CNTN5: variants seen among roughly 807,000 people sequenced by gnomAD.
The protein encoded by CNTN5 is contactin-5.
CNTN5 carries 77 observed loss-of-function variants against 129.1 expected under a neutral mutation model. The observed-to-expected ratio is 0.60, with a 90% CI of 0.50 to 0.72. The LOEUF (loss-of-function observed/expected upper bound fraction) is 0.72, where lower values mean the gene tolerates loss of function less well. Ranked by LOEUF, CNTN5 falls within the 30% of genes least tolerant of loss-of-function variation. CNTN5 has a pLI of 0.00. For missense variants in CNTN5, 1,478 were observed against 1,328.8 expected, an observed-to-expected ratio of 1.11 and a Z score of -1.75; for synonymous variants, 509 against 465.6, an observed-to-expected ratio of 1.09 and a Z score of -1.20.
At chr11:100,092,947 G>T (rs11222728) in intron 13 of CNTN5, among the ~76,000 whole-genome samples, 31,760 of 151,908 alleles carry the variant, frequency 0.21, 4,267 homozygotes, top group African/African-American at 0.39. Context: ...TCTGAGTTTC[G>T]CAGATCCCTA....
intron 2 of CNTN5, among the ~76,000 whole-genome samples, chr11:99,427,081 T>A (rs1249942546): frequency 1.3e-5 from 2 of 152,212 alleles, no homozygotes; most frequent in African/African-American, 4.8e-5. Context: ...AAAAACCTTC[T>A]GCAGTGAGGT....
chr11:99,366,296 C>T (rs971858043), intron 2 of CNTN5, among the ~76,000 whole-genome samples: 3 of 152,274 alleles, frequency 2.0e-5, no homozygotes, highest in African/African-American at 7.2e-5. Context: ...TCTTCTCAAC[C>T]TTCACACCCC....
chr11:99,934,254 T>G (rs1950257233), intron 7 of CNTN5, among the ~76,000 whole-genome samples: 1 of 152,208 alleles, frequency 6.6e-6, no homozygotes. Context: ...GTGGTTATAT[T>G]TACTTGCTTT....
chr11:99,988,851 T>TTGTGTGTGTGTGTGTG, intron 8 of CNTN5, among the ~76,000 whole-genome samples: 1 of 150,144 alleles, frequency 6.7e-6, no homozygotes, highest in African/African-American at 2.4e-5. Flanking sequence ...GTGTGTGTGT[T>TTGTGTGTGTGTGTGTG]TGTGTGTGTG....
At chr11:100,325,655 T>C (rs180708484) in intron 21 of CNTN5, among the ~76,000 whole-genome samples, 75 of 152,314 alleles carry the variant, frequency 4.9e-4, no homozygotes, top group African/African-American at 1.8e-3. Context: ...TGGTTAGATT[T>C]CTTTGGGTTG....
intron 3 of CNTN5, among the ~76,000 whole-genome samples, chr11:99,589,934 C>T (rs1565327405): frequency 6.6e-6 from 1 of 152,092 alleles, no homozygotes; most frequent in Non-Finnish European, 1.5e-5. Context: ...ATATTGTATG[C>T]AGTGCATCCA....
At chr11:99,795,561 A>G (rs1301846) in intron 3 of CNTN5, among the ~76,000 whole-genome samples, 42,296 of 149,744 alleles carry the variant, frequency 0.28, 6,104 homozygotes, top group Middle Eastern at 0.33. Flanking sequence ...ATGTTCTTTC[A>G]ATCGCTGAAG....
At chr11:99,261,770 A>C (rs992051315) in intron 1 of CNTN5, among the ~76,000 whole-genome samples, 3 of 152,010 alleles carry the variant, frequency 2.0e-5, no homozygotes, top group Admixed American at 2.0e-4. Flanking sequence ...TCTCTTATAC[A>C]TCTAGAGTGA....
intron 2 of CNTN5, among the ~76,000 whole-genome samples, chr11:99,430,377 G>A (rs1006083499): frequency 2.1e-5 from 3 of 145,668 alleles, no homozygotes; most frequent in Non-Finnish European, 3.1e-5. Flanking sequence ...ATGTGTGCAC[G>A]CATGTGTGTA....
chr11:99,953,766 A>T (rs903978082), intron 7 of CNTN5, among the ~76,000 whole-genome samples: 1 of 152,192 alleles, frequency 6.6e-6, no homozygotes, highest in Non-Finnish European at 1.5e-5. Context: ...AAATTCCCCA[A>T]TGAGAAACCA....
chr11:99,668,866 G>A (rs190926891), intron 3 of CNTN5, among the ~76,000 whole-genome samples: 9 of 152,194 alleles, frequency 5.9e-5, no homozygotes, highest in African/African-American at 2.2e-4. Context: ...TTATGAGTTG[G>A]CATTGTTAAG....
chr11:99,300,940 T>C (rs1240073834), intron 1 of CNTN5, among the ~76,000 whole-genome samples: 1 of 151,884 alleles, frequency 6.6e-6, no homozygotes, highest in Non-Finnish European at 1.5e-5. Context: ...GGTTATAATA[T>C]ATAAAAATAT....
chr11:100,141,924 T>C (rs1946706918), intron 13 of CNTN5, among the ~76,000 whole-genome samples: 1 of 152,098 alleles, frequency 6.6e-6, no homozygotes, highest in South Asian at 2.1e-4. Flanking sequence ...GTTGGTGGGC[T>C]GACAGGAAAG....
intron 3 of CNTN5, among the ~76,000 whole-genome samples, chr11:99,682,542 A>G (rs945862584): frequency 6.6e-6 from 1 of 152,028 alleles, no homozygotes; most frequent in Non-Finnish European, 1.5e-5. Context: ...GAGACAATAC[A>G]TTGAGAAACA....
rs146281271 is a variant in CNTN5, at chr11:100,062,419, A to G, written c.1162+1026A>G. 6.6e-4 allele frequency among the ~76,000 whole-genome samples: 101 copies of G among 152,316 alleles called. No individual in the cohort carries two copies. The East Asian group carries it at 0.017, about 25-fold the overall frequency. On this transcript the variant is annotated intron_variant, in intron 10 of 24. Coordinates refer to ENST00000524871, the MANE Select transcript of CNTN5 (RefSeq NM_014361.4). ...ACTCCTTTAGGAATTTAGCATTCTA[A>G]CCAAATTGATTATGCATTGCACATT...
At chr11:99,263,806 G>C (rs1862758005) in intron 1 of CNTN5, among the ~76,000 whole-genome samples, 1 of 151,314 alleles carries the variant, frequency 6.6e-6, no homozygotes. Flanking sequence ...TTTTTTTGTA[G>C]AGACAGGTTC....
chr11:99,373,573 C>T (rs941788069), intron 2 of CNTN5, among the ~76,000 whole-genome samples: 4 of 151,682 alleles, frequency 2.6e-5, no homozygotes, highest in Admixed American at 6.6e-5. Flanking sequence ...ATTAGCTGGG[C>T]GTGGTGATGC....
intron 2 of CNTN5, among the ~76,000 whole-genome samples, chr11:99,369,636 T>G (rs1054070791): frequency 1.3e-5 from 2 of 152,138 alleles, no homozygotes; most frequent in African/African-American, 4.8e-5. Context: ...ATTTGAAATT[T>G]GCTTATTAAA....
intron 3 of CNTN5, among the ~76,000 whole-genome samples, chr11:99,700,683 T>A (rs12576491): frequency 0.031 from 4,717 of 151,378 alleles, 162 homozygotes; most frequent in East Asian, 0.2. Flanking sequence ...GTAAAAGAAA[T>A]ACAATGAGAA....
Sources: gnomAD v4.1 joint callset for allele counts (sites outside exome capture counted in the v4.1 genomes callset) on GRCh38, gnomAD v4.1.1 for gene constraint, MANE v1.5 for transcripts, NCBI Gene and HGNC (gene_info 2026-07-23, HGNC 2026-07-21) for gene names.